COL28A1: variants seen among roughly 807,000 people sequenced by gnomAD.
COL28A1 encodes the protein collagen type XXVIII alpha 1 chain, also known as collagen alpha-1(XXVIII) chain.
In COL28A1, 161 loss-of-function variants were observed where a neutral mutation model predicts 150.2. The observed-to-expected ratio is 1.07, with a 90% CI of 0.94 to 1.22. The LOEUF is 1.22. COL28A1 is among the 50% of genes most tolerant of loss of function. The pLI is 0.00. For synonymous variants in COL28A1, 552 were observed against 469.7 expected (o/e 1.18, Z -2.26); for missense variants, 1,617 against 1,388.3 (o/e 1.16, Z -2.62).
At chr7:7,449,535 T>TA (rs139023216) in intron 18 of COL28A1, among the ~76,000 whole-genome samples, 8,012 of 147,636 alleles carry the variant, frequency 0.054, 699 homozygotes, top group African/African-American at 0.18. Context: ...TACAAAATGA[T>TA]AAAAAAAAAA....
At chr7:7,393,520 C>G (rs986562335) in intron 27 of COL28A1, among the ~76,000 whole-genome samples, 1 of 152,238 alleles carries the variant, frequency 6.6e-6, no homozygotes, top group South Asian at 2.1e-4. Context: ...AGCCAGCAGG[C>G]AGGGATGTTT....
intron 27 of COL28A1, among the ~76,000 whole-genome samples, chr7:7,402,642 T>A (rs763888992): frequency 6.6e-6 from 1 of 152,168 alleles, no homozygotes; most frequent in Non-Finnish European, 1.5e-5. Context: ...CAAGACCAAC[T>A]TATCTTTTAT....
chr7:7,360,761 C>T (rs534846827), intron 33 of COL28A1, among the ~76,000 whole-genome samples: 98 of 152,190 alleles, frequency 6.4e-4, no homozygotes, highest in African/African-American at 2.0e-3. Flanking sequence ...TTTCTGTGTA[C>T]ACACACATAT....
chr7:7,410,811 A>C (rs1241196037), intron 27 of COL28A1, among the ~76,000 whole-genome samples: 1 of 152,182 alleles, frequency 6.6e-6, no homozygotes, highest in African/African-American at 2.4e-5. Flanking sequence ...AAAATTCCTC[A>C]TGTCAATACT....
rs1270102026 is a variant in COL28A1 at position 7,373,064 on chromosome 7, C to CT, written c.2841dup (p.Glu948ArgfsTer8). ...GGGTCAGTAGCAATTAGATTCATTT[C>CT]TTTGTGGAATATTTCAAAGTTGGGA... On this transcript the variant is annotated frameshift_variant, in exon 32 of 35. Transcript: ENST00000399429. LOFTEE classifies it high-confidence loss of function. This position sits in a 1 kb window ranked among gnomAD's most constrained non-coding sequence, Gnocchi z 4.1. 9 of 1,614,154 alleles carry CT rather than the reference C, an allele frequency of 5.6e-6. No individual in the cohort carries two copies. The highest frequency in any genetic ancestry group is 6.8e-6 in the Non-Finnish European group (8 of 1,180,026).
chr7:7,535,540 T>C (rs940408745), intron 1 of COL28A1, among the ~76,000 whole-genome samples: 5 of 152,052 alleles, frequency 3.3e-5, no homozygotes, highest in Admixed American at 2.6e-4. Flanking sequence ...AAATTAAAAA[T>C]CCATTTCAAA....
At chr7:7,456,941 A>C (rs1480032416) in intron 15 of COL28A1, among the ~76,000 whole-genome samples, 1 of 152,242 alleles carries the variant, frequency 6.6e-6, no homozygotes, top group African/African-American at 2.4e-5. Flanking sequence ...CACTGACGAG[A>C]GGGAATGAGC....
intron 27 of COL28A1, among the ~76,000 whole-genome samples, chr7:7,396,472 C>A (rs1204376972): frequency 6.6e-6 from 1 of 152,030 alleles, no homozygotes; most frequent in Admixed American, 6.6e-5. Context: ...TTCCCCTTCT[C>A]TGACTTGATA....
At chr7:7,433,809 T>C (rs964838087) in intron 23 of COL28A1, among the ~76,000 whole-genome samples, 1 of 152,212 alleles carries the variant, frequency 6.6e-6, no homozygotes, top group African/African-American at 2.4e-5. Flanking sequence ...GAGCTGCTCA[T>C]GTTTTAAAAT....
In COL28A1 at chr7:7,517,842, G is replaced by C. The variant is rs756617728; in HGVS notation, c.814-5C>G. 1.9e-6 allele frequency: 3 copies of C among 1,613,528 alleles called. No individual in the cohort carries two copies. The East Asian group carries it at 6.7e-5, about 36-fold the overall frequency. ...TTCTCCTTTTTGAGCGTTGCCCTGT[G>C]ACAAACAAAAAACAGTAAAAATTCC... is the stretch of plus-strand genomic sequence containing the variant. On this transcript the variant is annotated splice_polypyrimidine_tract_variant and splice_region_variant and intron_variant, in intron 6 of 34. Coordinates refer to ENST00000399429, the MANE Select transcript of COL28A1 (RefSeq NM_001037763.3).
intron 16 of COL28A1, among the ~76,000 whole-genome samples, chr7:7,454,722 C>A (rs1787004011): frequency 6.6e-6 from 1 of 152,138 alleles, no homozygotes; most frequent in Non-Finnish European, 1.5e-5. Flanking sequence ...AGGAGCACTG[C>A]AAGACCCAAG....
At chr7:7,434,714 C>G (rs1270598272) in intron 23 of COL28A1, among the ~76,000 whole-genome samples, 1 of 152,172 alleles carries the variant, frequency 6.6e-6, no homozygotes, top group Non-Finnish European at 1.5e-5. Flanking sequence ...CTATTATTAA[C>G]AGGAAATATC....
intron 25 of COL28A1, among the ~76,000 whole-genome samples, chr7:7,428,120 T>C (rs1406584506): frequency 1.3e-5 from 2 of 152,200 alleles, no homozygotes; most frequent in East Asian, 3.8e-4. Flanking sequence ...ATTTAGGTAA[T>C]ACATAATCAT....
the COL28A1 span, among the ~76,000 whole-genome samples, chr7:7,349,686 C>T: frequency 6.6e-6 from 1 of 152,120 alleles, no homozygotes; most frequent in Non-Finnish European, 1.5e-5. Flanking sequence ...GCTCACCTCA[C>T]TTTCTTTCCT....
At chr7:7,523,779 A>C (rs931910152) in intron 4 of COL28A1, among the ~76,000 whole-genome samples, 11 of 152,070 alleles carry the variant, frequency 7.2e-5, no homozygotes, top group African/African-American at 2.7e-4. Flanking sequence ...TTTTCTTCAC[A>C]ATAAGGAGAA....
chr7:7,474,057 T>C (rs918650706), intron 15 of COL28A1, among the ~76,000 whole-genome samples: 5 of 141,558 alleles, frequency 3.5e-5, no homozygotes, highest in African/African-American at 1.1e-4. Flanking sequence ...CTATATACTC[T>C]ATATATATAT....
intron 27 of COL28A1, among the ~76,000 whole-genome samples, chr7:7,389,413 T>C (rs1045153457): frequency 1.3e-5 from 2 of 152,306 alleles, no homozygotes; most frequent in East Asian, 3.9e-4. Context: ...CATTGTATAG[T>C]TTGAAGTCAG....
rs1583329961 is a variant in COL28A1, at chr7:7,420,135, T to C, written c.1999-182A>G. 68 of 387,198 alleles carry C rather than the reference T, an allele frequency of 1.8e-4. No homozygotes were observed. The East Asian group carries it at 2.6e-3, about 15-fold the overall frequency. The allele number at this position is 387,198 out of a possible 1,614,324, so 24.0% of individuals were successfully genotyped here. A position where few individuals can be genotyped will look rare whatever the true frequency, so the allele number is the denominator to read the frequency against. On this transcript the variant is annotated intron_variant, in intron 25 of 34. Transcript: ENST00000399429. ...CTTCAAACCAACAGATCCAGGTCCA[T>C]TTCAAATTAATCAAGTCAATTAACT...
At chr7:7,372,858 G>C in intron 32 of COL28A1, 140 bp downstream of exon 32, 1 of 654,136 alleles carries the variant, frequency 1.5e-6, no homozygotes, top group Non-Finnish European at 2.6e-6. Flanking sequence ...TAATCTTCTG[G>C]AGTTTACGTG....
Sources: gnomAD v4.1 joint callset for allele counts (sites outside exome capture counted in the v4.1 genomes callset) on GRCh38, gnomAD v4.1.1 for gene constraint, Gnocchi (gnomAD v3.1) non-coding constraint, MANE v1.5 for transcripts, NCBI Gene and HGNC (gene_info 2026-07-23, HGNC 2026-07-21) for gene names.